NFIA: variants seen among roughly 807,000 people sequenced by gnomAD.
NFIA encodes nuclear factor I A, also known as nuclear factor 1 A-type.
Under a neutral mutation model 62.8 loss-of-function variants are expected in NFIA, and 8 were observed. The observed-to-expected ratio is 0.13, with a 90% CI of 0.07 to 0.23. The LOEUF is 0.23. Among genes scored for constraint, NFIA ranks in the 10% least tolerant of loss-of-function variants. The probability of loss-of-function intolerance (pLI) is 1.00; values close to 1 mark genes in which losing one functional copy is unlikely to be tolerated. For synonymous variants in NFIA, 235 were observed against 238.1 expected (o/e 0.99, Z 0.12); for missense variants, 410 against 642.1 (o/e 0.64, Z 3.91).
chr1:61,383,191 T>G, intron 6 of NFIA, 46 bp from the exon 7 acceptor site: 2 of 1,606,482 alleles, frequency 1.2e-6, no homozygotes, highest in Non-Finnish European at 1.7e-6. Flanking sequence ...CACAAATCAT[T>G]GTTCCATGAA....
chr1:61,328,410 C>T (rs868567742), intron 3 of NFIA, among the ~76,000 whole-genome samples: 15 of 138,252 alleles, frequency 1.1e-4, no homozygotes, highest in Admixed American at 2.4e-4. Flanking sequence ...TCCTTCATAT[C>T]ATTTATTTTA....
At chr1:61,449,163 C>T (rs895004385) in intron 10 of NFIA, among the ~76,000 whole-genome samples, 1 of 152,214 alleles carries the variant, frequency 6.6e-6, no homozygotes, top group African/African-American at 2.4e-5. Context: ...CAACAACTCT[C>T]CCGTCGGAAC....
chr1:61,097,676 G>A (rs1018903384), intron 2 of NFIA, among the ~76,000 whole-genome samples: 3 of 152,126 alleles, frequency 2.0e-5, no homozygotes, highest in Non-Finnish European at 4.4e-5. Flanking sequence ...CTTAATATCA[G>A]AAATTCAGAA....
At chr1:61,445,317 C>G (rs560206631) in intron 10 of NFIA, among the ~76,000 whole-genome samples, 2 of 152,222 alleles carry the variant, frequency 1.3e-5, no homozygotes, top group African/African-American at 4.8e-5. Flanking sequence ...AAATCCCAAC[C>G]GCAGCCCCAT....
At chr1:61,148,640 T>A (rs1438176822) in intron 2 of NFIA, among the ~76,000 whole-genome samples, 1 of 152,250 alleles carries the variant, frequency 6.6e-6, no homozygotes, top group African/African-American at 2.4e-5. Flanking sequence ...CATTTGCATG[T>A]ACATCTTCCA....
intron 2 of NFIA, among the ~76,000 whole-genome samples, chr1:61,134,748 G>A (rs1346019856): frequency 1.3e-5 from 2 of 152,300 alleles, no homozygotes; most frequent in East Asian, 1.9e-4. Context: ...CCAGCACATC[G>A]AAAGGCTGAG....
intron 9 of NFIA, among the ~76,000 whole-genome samples, chr1:61,423,242 T>TA (rs11420345): frequency 0.44 from 62,447 of 143,358 alleles, 13,627 homozygotes; most frequent in South Asian, 0.61. Flanking sequence ...AAATGGCTGC[T>TA]AAAAAAAAAA....
At chr1:61,132,870 C>A (rs1647105447) in intron 2 of NFIA, 1 of 152,194 alleles carries the variant, frequency 6.6e-6, no homozygotes, top group African/African-American at 2.4e-5. Context: ...TCTTGGCAAG[C>A]AACTCCCTAC....
At chr1:61,177,146 G>A (rs747684633) in intron 2 of NFIA, among the ~76,000 whole-genome samples, 5 of 151,842 alleles carry the variant, frequency 3.3e-5, no homozygotes, top group Non-Finnish European at 5.9e-5. Flanking sequence ...TTATGTTTCC[G>A]TGCTTTATCT....
chr1:61,251,363 C>G (rs1656026823), intron 2 of NFIA: 1 of 152,154 alleles, frequency 6.6e-6, no homozygotes, highest in Non-Finnish European at 1.5e-5. Context: ...CTGTCTGTTT[C>G]CTCACCCTGA....
chr1:61,272,795 T>C (rs1657591863), intron 2 of NFIA, among the ~76,000 whole-genome samples: 1 of 152,214 alleles, frequency 6.6e-6, no homozygotes, highest in South Asian at 2.1e-4. Flanking sequence ...CCTTTTAGTT[T>C]TTATACTACA....
intron 2 of NFIA, among the ~76,000 whole-genome samples, chr1:61,252,947 A>G (rs1474379692): frequency 6.6e-6 from 1 of 152,236 alleles, no homozygotes; most frequent in Non-Finnish European, 1.5e-5. Flanking sequence ...ACCAAGGGAA[A>G]AAAAGGGAAT....
At chr1:61,198,136 A>G (rs1652167969) in intron 2 of NFIA, among the ~76,000 whole-genome samples, 1 of 152,158 alleles carries the variant, frequency 6.6e-6, no homozygotes, top group African/African-American at 2.4e-5. Flanking sequence ...ATTTTAAGAC[A>G]TTTTCAGGCA....
intron 7 of NFIA, among the ~76,000 whole-genome samples, chr1:61,392,115 G>C (rs1665012911): frequency 1.3e-5 from 2 of 152,184 alleles, no homozygotes; most frequent in African/African-American, 4.8e-5. Flanking sequence ...AAGAGGGCTT[G>C]TGAGCCTCGT....
At chr1:61,449,051 G>A (rs1667948077) in intron 10 of NFIA, among the ~76,000 whole-genome samples, 2 of 152,184 alleles carry the variant, frequency 1.3e-5, no homozygotes, top group Non-Finnish European at 2.9e-5. Flanking sequence ...AGGGATTGGT[G>A]GTTTGGACAA....
At chr1:61,283,512 G>A (rs1658266067) in intron 3 of NFIA, among the ~76,000 whole-genome samples, 1 of 140,384 alleles carries the variant, frequency 7.1e-6, no homozygotes, top group Non-Finnish European at 1.5e-5. Flanking sequence ...AACCCAGAAG[G>A]CAGAGGTTGC....
At chr1:61,256,239 C>T (rs559231930) in intron 2 of NFIA, among the ~76,000 whole-genome samples, 67 of 152,100 alleles carry the variant, frequency 4.4e-4, no homozygotes, top group Middle Eastern at 6.8e-3. Flanking sequence ...TCAAGACCAG[C>T]CTGGCCAACA....
chr1:61,412,892 C>CT (rs1244301993), intron 9 of NFIA, among the ~76,000 whole-genome samples: 2 of 152,016 alleles, frequency 1.3e-5, no homozygotes, highest in Non-Finnish European at 2.9e-5. Flanking sequence ...GGTAACTGTA[C>CT]TTTAAGTTCC....
At chr1:61,183,972 G>T (rs1570332069) in intron 2 of NFIA, among the ~76,000 whole-genome samples, 2 of 152,042 alleles carry the variant, frequency 1.3e-5, no homozygotes, top group Admixed American at 1.3e-4. Flanking sequence ...ATTCCTCTTG[G>T]AAAGTTTACG....
Sources: allele counts gnomAD v4.1 joint callset (sites outside exome capture counted in the v4.1 genomes callset), GRCh38; gene constraint gnomAD v4.1.1; transcripts MANE v1.5; gene names NCBI Gene and HGNC (gene_info 2026-07-23, HGNC 2026-07-21).